The following RYR3 variants were observed in gnomAD, a reference collection of about 807,000 sequenced individuals.
The protein encoded by RYR3 is ryanodine receptor 3.
RYR3 carries 207 observed loss-of-function variants against 584.3 expected under a neutral mutation model. The ratio of observed to expected loss-of-function variants is 0.35; its 90% CI spans 0.32 to 0.40. The LOEUF (loss-of-function observed/expected upper bound fraction) is 0.40, where lower values mean the gene tolerates loss of function less well. Ranked by LOEUF, RYR3 falls within the 10% of genes least tolerant of loss-of-function variation. The pLI, the probability that RYR3 is intolerant of heterozygous loss-of-function variation, is 1.00. For missense variants in RYR3, 5,616 were observed against 6,089.2 expected, an observed-to-expected ratio of 0.92 and a Z score of 2.59; for synonymous variants, 2,416 against 2,248.5, an observed-to-expected ratio of 1.07 and a Z score of -2.11.
At position 33,821,385 on chromosome 15, in the gene RYR3, T is replaced by G. The variant is rs768763997; in HGVS notation, c.10915+16T>G. The G allele has an allele frequency of 6.3e-7, 1 of 1,594,852 alleles. No individual in the cohort carries two copies. On this transcript the variant is annotated intron_variant, in intron 79 of 103. Coordinates refer to ENST00000634891, the MANE Select transcript of RYR3 (RefSeq NM_001036.6). ...GCTAGCAAAGGTGATTTCCCTAGTT[T>G]CTGGATGGGCTTATGTAACTTCCAC... is the stretch of plus-strand genomic sequence containing the variant.
At chr15:33,781,192 C>A (rs1446317818) in intron 65 of RYR3, among the ~76,000 whole-genome samples, 2 of 152,098 alleles carry the variant, frequency 1.3e-5, no homozygotes, top group Non-Finnish European at 2.9e-5. Context: ...TGTGATCCTG[C>A]CTAAGGATAA....
intron 35 of RYR3, 120 bp downstream of exon 35, chr15:33,663,068 A>G: frequency 1.2e-6 from 1 of 817,798 alleles, no homozygotes; most frequent in East Asian, 2.4e-5. Flanking sequence ...ATAGTGACTG[A>G]CCAAGAGTGC....
chr15:33,421,586 A>AG (rs1481487280), intron 1 of RYR3, among the ~76,000 whole-genome samples: 1 of 152,152 alleles, frequency 6.6e-6, no homozygotes, highest in East Asian at 1.9e-4. Context: ...ATGCTGGCAG[A>AG]GGAGGGGTTT....
At chr15:33,335,623 C>T (rs1332906356) in intron 1 of RYR3, among the ~76,000 whole-genome samples, 1 of 151,770 alleles carries the variant, frequency 6.6e-6, no homozygotes, top group African/African-American at 2.4e-5. Flanking sequence ...ATAATCTGTA[C>T]AGCAAACCCC....
At chr15:33,455,059 G>C (rs1299471549) in intron 1 of RYR3, among the ~76,000 whole-genome samples, 3 of 152,198 alleles carry the variant, frequency 2.0e-5, no homozygotes, top group Non-Finnish European at 2.9e-5. Context: ...AATCCTAGGT[G>C]CCTAAACTAG....
chr15:33,541,443 A>G (rs1330388051), intron 7 of RYR3, among the ~76,000 whole-genome samples: 2 of 152,140 alleles, frequency 1.3e-5, no homozygotes, highest in Admixed American at 1.3e-4. Flanking sequence ...AATGTATTTT[A>G]TTTCATAGAA....
chr15:33,342,366 T>C (rs1294722768), intron 1 of RYR3, among the ~76,000 whole-genome samples: 2 of 152,228 alleles, frequency 1.3e-5, no homozygotes, highest in Non-Finnish European at 2.9e-5. Context: ...TTATGTCCAC[T>C]GAAAGTTAAG....
intron 17 of RYR3, 78 bp from the exon 18 acceptor site, chr15:33,603,045 G>T: frequency 6.7e-7 from 1 of 1,490,272 alleles, no homozygotes; most frequent in Non-Finnish European, 9.2e-7. Context: ...ATGGGCCGTT[G>T]CCTCCTATGG....
chr15:33,445,226 G>A (rs982250998), intron 1 of RYR3, among the ~76,000 whole-genome samples: 4 of 152,152 alleles, frequency 2.6e-5, no homozygotes, highest in Admixed American at 6.5e-5. Context: ...TAGCAGTGAG[G>A]GTGATGCGAA....
rs2077428745 is a variant in RYR3, at chr15:33,827,303, T to C, written c.11334+16T>C. 4 of 1,548,008 alleles carry C rather than the reference T, an allele frequency of 2.6e-6. No individual in the cohort carries two copies. Among genetic ancestry groups the C allele is most frequent in the Non-Finnish European group, 3.5e-6 (4 of 1,143,704 alleles). ...GCGTCTGCAGGTGAGTGGGAGGGCC[T>C]TGGACAATGGGACCTCTCACCTTTG... On this transcript the variant is annotated intron_variant, in intron 85 of 103. Coordinates refer to ENST00000634891, the MANE Select transcript of RYR3 (RefSeq NM_001036.6).
chr15:33,554,081 T>C (rs1206252561), intron 10 of RYR3, among the ~76,000 whole-genome samples: 1 of 152,204 alleles, frequency 6.6e-6, no homozygotes. Flanking sequence ...GTGCTCTTTG[T>C]GAGAGGAAAA....
In RYR3 at chr15:33,728,140, A is replaced by C. The variant is rs1188311164; in HGVS notation, c.7034-717A>C. On this transcript the variant is annotated intron_variant, in intron 46 of 103. Transcript: ENST00000634891. The stretch of plus-strand genomic sequence containing the variant: ...TTCTCCCTCACTTACTTAGGTTTCA[A>C]ATCAACAAAGCAATAAATCGAGCCC... Among the ~76,000 whole-genome samples, 7 of 152,330 alleles carry C rather than the reference A, an allele frequency of 4.6e-5. No individual in the cohort carries two copies. In the South Asian group the frequency reaches 6.2e-4, roughly 14 times the overall value.
intron 1 of RYR3, among the ~76,000 whole-genome samples, chr15:33,355,513 C>T (rs954872492): frequency 1.3e-5 from 2 of 152,148 alleles, no homozygotes; most frequent in Admixed American, 6.5e-5. Flanking sequence ...AAGCTGACAT[C>T]GCTAATAAGC....
intron 1 of RYR3, among the ~76,000 whole-genome samples, chr15:33,458,559 C>A (rs2047751814): frequency 6.6e-6 from 1 of 152,190 alleles, no homozygotes; most frequent in African/African-American, 2.4e-5. Flanking sequence ...CTCTGGAGAA[C>A]CATGACTAAT....
intron 12 of RYR3, among the ~76,000 whole-genome samples, chr15:33,569,517 T>A (rs1286870319): frequency 6.6e-6 from 1 of 152,202 alleles, no homozygotes; most frequent in Non-Finnish European, 1.5e-5. Context: ...TGTGTCTGGC[T>A]TATCTCACTT....
chr15:33,793,334 G>T (rs1420434003), intron 67 of RYR3, among the ~76,000 whole-genome samples: 1 of 152,050 alleles, frequency 6.6e-6, no homozygotes, highest in South Asian at 2.1e-4. Context: ...TAAATCACTG[G>T]CCATTGGTGA....
intron 2 of RYR3, among the ~76,000 whole-genome samples, chr15:33,496,357 G>A (rs16971757): frequency 0.34 from 51,082 of 152,042 alleles, 12,256 homozygotes; most frequent in African/African-American, 0.69. Flanking sequence ...AGCCACGACA[G>A]TGAACACCAC....
rs2076947557 is a variant in RYR3 at position 33,818,659 on chromosome 15, A to C, written c.10681A>C (p.Ser3561Arg). 1 of 1,613,870 alleles carries C rather than the reference A, an allele frequency of 6.2e-7. No homozygotes were observed. The highest frequency in any genetic ancestry group is 8.5e-7 in the Non-Finnish European group (1 of 1,179,816). Reference sequence around the variant, plus strand: ...ACTACATCAGATCATTCTCTATTTTAGCCGCAACGCTCTCACGGAGAGGAG... The same window carrying C: ...ACTACATCAGATCATTCTCTATTTTCGCCGCAACGCTCTCACGGAGAGGAG... ...DPLHQIILYF[S>R]RNALTERSKL... Residue 3561 changes from serine (S) to arginine (R), a missense_variant, in exon 76 of 104, where the codon AGC (serine) becomes CGC (arginine). Physicochemically the swap from Ser to Arg is moderately radical, Grantham distance 110. Around this residue, in one of 9 missense-constraint regions of RYR3, gnomAD observed 954 missense variants for 1,132.2 expected, o/e 0.84. Coordinates refer to ENST00000634891, the MANE Select transcript of RYR3 (RefSeq NM_001036.6).
intron 1 of RYR3, among the ~76,000 whole-genome samples, chr15:33,443,731 A>G (rs556821229): frequency 6.6e-6 from 1 of 152,248 alleles, no homozygotes; most frequent in Admixed American, 6.5e-5. Context: ...CACTTTGCTC[A>G]CTCATCAGGA....
Sources: gnomAD v4.1 joint callset for allele counts (sites outside exome capture counted in the v4.1 genomes callset) on GRCh38, gnomAD v4.1.1 for gene constraint, gnomAD v4.1.1 regional missense constraint, MANE v1.5 for transcripts, NCBI Gene and HGNC (gene_info 2026-07-23, HGNC 2026-07-21) for gene names.